Variants in CLCN6 observed in about 807,000 individuals in gnomAD.
CLCN6 encodes Cl-/H+ antiporter 6, also known as H(+)/Cl(-) exchange transporter 6.
In CLCN6, 70 loss-of-function variants were observed where a neutral mutation model predicts 109.8. The ratio of observed to expected loss-of-function variants is 0.64; its 90% CI spans 0.53 to 0.78. CLCN6 has a LOEUF of 0.78. CLCN6 is among the 30% of genes least tolerant of loss of function. The probability of loss-of-function intolerance (pLI) is 0.00; values close to 1 mark genes in which losing one functional copy is unlikely to be tolerated. For synonymous variants in CLCN6, 444 were observed against 447.8 expected, an observed-to-expected ratio of 0.99 and a Z score of 0.11; for missense variants, 984 against 1,142.3, an observed-to-expected ratio of 0.86 and a Z score of 2.00.
chr1:11,815,556 T>C (rs34377596), intron 2 of CLCN6, among the ~76,000 whole-genome samples: 15,058 of 152,170 alleles, frequency 0.099, 800 homozygotes, highest in South Asian at 0.16. Context: ...CCACCATGCC[T>C]GGCTAATTTT....
At chr1:11,828,395 G>C in intron 11 of CLCN6, 63 bp from the exon 12 acceptor site, 1 of 1,595,726 alleles carries the variant, frequency 6.3e-7, no homozygotes, top group Non-Finnish European at 8.6e-7. Flanking sequence ...CTTCTCTTCT[G>C]TCTCTTCCGG....
intron 22 of CLCN6, among the ~76,000 whole-genome samples, chr1:11,839,213 G>A (rs952202902): frequency 2.6e-5 from 4 of 152,172 alleles, no homozygotes; most frequent in Non-Finnish European, 4.4e-5. Flanking sequence ...CCCTGTCGCG[G>A]TAGCCCTGGT....
intron 7 of CLCN6, 96 bp downstream of exon 7, chr1:11,823,929 C>G (rs1037474136): frequency 4.7e-5 from 72 of 1,516,340 alleles, no homozygotes; most frequent in Non-Finnish European, 5.9e-5. Flanking sequence ...ACTGCAGGGC[C>G]CAGCCTCAAA....
intron 7 of CLCN6, 46 bp from the exon 8 acceptor site, chr1:11,824,440 G>T (rs375654164): frequency 1.3e-6 from 2 of 1,508,950 alleles, no homozygotes; most frequent in African/African-American, 1.4e-5. Context: ...TGACCCAGGG[G>T]CGTTTCTGCA....
intron 2 of CLCN6, among the ~76,000 whole-genome samples, chr1:11,811,463 A>G (rs1040096230): frequency 4.0e-5 from 6 of 151,196 alleles, no homozygotes; most frequent in African/African-American, 1.5e-4. Context: ...GCTCACTGCA[A>G]CCTCTGCCTC....
chr1:11,823,910 T>C (rs1254845320), intron 7 of CLCN6, 77 bp downstream of exon 7: 2 of 1,582,376 alleles, frequency 1.3e-6, no homozygotes, highest in Non-Finnish European at 1.7e-6. Flanking sequence ...TTTCAGTTAT[T>C]AGATTTGGAC....
chr1:11,809,607 A>G (rs1345363867), intron 2 of CLCN6, among the ~76,000 whole-genome samples: 1 of 151,934 alleles, frequency 6.6e-6, no homozygotes. Flanking sequence ...ACATGCATAC[A>G]CCACCATGCC....
intron 13 of CLCN6, chr1:11,830,013 T>G (rs1349197009): frequency 6.6e-6 from 1 of 152,444 alleles, no homozygotes; most frequent in Non-Finnish European, 1.5e-5. Context: ...GCAAGGAGGC[T>G]TCTCTCTTCC....
At chr1:11,806,767 C>T (rs1644518700) in intron 1 of CLCN6, 1 of 355,052 alleles carries the variant, frequency 2.8e-6, no homozygotes, top group South Asian at 5.0e-5. Flanking sequence ...TGCAAAGCAT[C>T]CTGGGAAAAC....
chr1:11,835,766 C>T (rs1644936016), intron 17 of CLCN6, among the ~76,000 whole-genome samples: 1 of 152,096 alleles, frequency 6.6e-6, no homozygotes, highest in Non-Finnish European at 1.5e-5. Flanking sequence ...CAGCAGGGTA[C>T]GACATTCCAG....
At position 11,837,164 on chromosome 1, in the gene CLCN6, C is replaced by T. The variant is rs1005980608; in HGVS notation, c.2138+8C>T. On this transcript the variant is annotated splice_region_variant and intron_variant, in intron 19 of 22. Coordinates refer to ENST00000346436, the MANE Select transcript of CLCN6 (RefSeq NM_001286.5). ...GCAGATGCTGGAAAGGAGGTGAGAG[C>T]CTGGCGGGGCCCCCACTGCCCGCAG... The T allele has an allele frequency of 1.2e-5, 20 of 1,611,196 alleles. No homozygotes were observed. Among genetic ancestry groups the T allele is most frequent in the Middle Eastern group, 1.7e-4 (1 of 5,896 alleles).
At chr1:11,823,156 T>A (rs2100630949) in intron 6 of CLCN6, among the ~76,000 whole-genome samples, 1 of 152,296 alleles carries the variant, frequency 6.6e-6, no homozygotes, top group South Asian at 2.1e-4. Flanking sequence ...ATGCAATCCC[T>A]GAACCTAAAA....
At position 11,828,535 on chromosome 1, in the gene CLCN6, G is replaced by T; in HGVS notation, c.1032G>T (p.Gly344=). The change falls in exon 12 of 23, where the codon GGG becomes GGT. Residue 344 remains glycine (G), a synonymous_variant. Coordinates refer to ENST00000346436, the MANE Select transcript of CLCN6 (RefSeq NM_001286.5). The stretch of plus-strand genomic sequence containing the variant: ...TCTTCGTCGTGATGGGGGTCATTGG[G>T]GGCCTCCTGGGAGCCACATTCAACT... ...LGFFVVMGVI[G]GLLGATFNCL... is the part of the protein sequence containing the mutation. 1 of 1,614,076 alleles carries T rather than the reference G, an allele frequency of 6.2e-7. No individual in the cohort carries two copies. The highest frequency in any genetic ancestry group is 8.5e-7 in the Non-Finnish European group (1 of 1,180,014).
At chr1:11,810,337 T>TGGCAGGTCTTCATGCATTTCACA (rs1644581840) in intron 2 of CLCN6, among the ~76,000 whole-genome samples, 2 of 152,364 alleles carry the variant, frequency 1.3e-5, no homozygotes, top group Admixed American at 1.3e-4. Context: ...CAAACAGGAA[T>TGGCAGGTCTTCATGCATTTCACA]GTTTTCATGC....
At chr1:11,840,057 C>A in intron 22 of CLCN6, 86 bp from the exon 23 acceptor site, 1 of 1,122,472 alleles carries the variant, frequency 8.9e-7, no homozygotes, top group Non-Finnish European at 1.4e-6. Context: ...CATTCTGTGA[C>A]AAACTAACAG....
In CLCN6 at chr1:11,841,357, G is replaced by C. The variant is rs942734404; in HGVS notation, c.*1134G>C. ...CTGTGCCGCAGGGAGGGTGCGTGGGGAAGATGCTTCCTGCCAGCACGTGCC... is the reference window on the plus strand; with the variant it reads ...CTGTGCCGCAGGGAGGGTGCGTGGGCAAGATGCTTCCTGCCAGCACGTGCC... On this transcript the variant is annotated 3_prime_UTR_variant, in exon 23 of 23. Coordinates refer to ENST00000346436, the MANE Select transcript of CLCN6 (RefSeq NM_001286.5). 1 of 152,614 alleles carries C rather than the reference G, an allele frequency of 6.6e-6. No individual in the cohort carries two copies. The highest frequency in any genetic ancestry group is 1.5e-5 in the Non-Finnish European group (1 of 68,050). 9.5% of individuals were successfully genotyped at this position (152,614 alleles called of 1,614,324 possible).
chr1:11,835,087 A>T (rs2100654950), intron 17 of CLCN6, among the ~76,000 whole-genome samples: 1 of 152,298 alleles, frequency 6.6e-6, no homozygotes, highest in African/African-American at 2.4e-5. Context: ...GGGGCCAGCA[A>T]GCCGTTTCTG....
chr1:11,829,602 C>T (rs1344273270), intron 13 of CLCN6, among the ~76,000 whole-genome samples: 1 of 146,146 alleles, frequency 6.8e-6, no homozygotes, highest in Non-Finnish European at 1.5e-5. Context: ...GGGAACAACC[C>T]TGGCGTCACA....
At chr1:11,833,771 C>T (rs1644908833) in intron 14 of CLCN6, 106 bp from the exon 15 acceptor site, 1 of 1,559,944 alleles carries the variant, frequency 6.4e-7, no homozygotes, top group East Asian at 2.2e-5. Flanking sequence ...GTTTCTGCCT[C>T]CTGTGTTGGA....
Sources: allele counts gnomAD v4.1 joint callset (sites outside exome capture counted in the v4.1 genomes callset), GRCh38; gene constraint gnomAD v4.1.1; transcripts MANE v1.5; gene names NCBI Gene and HGNC (gene_info 2026-07-23, HGNC 2026-07-21).